The following TOX variants were observed in gnomAD, a reference collection of about 807,000 sequenced individuals.
The protein encoded by TOX is thymocyte selection-associated high mobility group box protein TOX.
Under a neutral mutation model 53.7 loss-of-function variants are expected in TOX, and 11 were observed. The ratio of observed to expected loss-of-function variants is 0.20; its 90% CI spans 0.13 to 0.34. The LOEUF (loss-of-function observed/expected upper bound fraction) is 0.34. Among genes scored for constraint, TOX ranks in the 10% least tolerant of loss-of-function variants. The pLI is 1.00. For synonymous variants in TOX, 225 were observed against 245.3 expected (o/e 0.92, Z 0.77); for missense variants, 570 against 664.6 (o/e 0.86, Z 1.56).
rs567262579 is a variant in TOX, at chr8:58,833,385, C to T, written c.924+4696G>A. ...CAACCCTTTCTGCTTCAAAGCGGGA[C>T]GAGCTCTTTTATTTTGTAGGGTTTT... On this transcript the variant is annotated intron_variant, in intron 5 of 8. Coordinates refer to ENST00000361421, the MANE Select transcript of TOX (RefSeq NM_014729.3). Among the ~76,000 whole-genome samples, 3 of 152,216 alleles carry T rather than the reference C, an allele frequency of 2.0e-5. No homozygotes were observed. In the East Asian group the frequency reaches 5.8e-4, roughly 29 times the overall value.
chr8:59,091,194 A>T (rs1316179191), intron 1 of TOX, among the ~76,000 whole-genome samples: 2 of 152,078 alleles, frequency 1.3e-5, no homozygotes, highest in East Asian at 3.9e-4. Context: ...TCCTCCGTCC[A>T]CCACTGCCTG....
chr8:58,841,841 C>T (rs550808274), intron 4 of TOX, among the ~76,000 whole-genome samples: 25 of 152,138 alleles, frequency 1.6e-4, no homozygotes, highest in Non-Finnish European at 2.5e-4. Context: ...ATTTCATCAA[C>T]GATTGAGAGA....
chr8:58,819,033 T>G (rs1342880227), intron 6 of TOX, among the ~76,000 whole-genome samples: 1 of 152,240 alleles, frequency 6.6e-6, no homozygotes, highest in Non-Finnish European at 1.5e-5. Context: ...ATCTATTAAT[T>G]ACAGAGTTAT....
intron 5 of TOX, among the ~76,000 whole-genome samples, chr8:58,828,627 C>T (rs149649911): frequency 2.0e-5 from 3 of 151,838 alleles, no homozygotes; most frequent in East Asian, 1.9e-4. Context: ...ATGCTAAAGT[C>T]GAGTAAGTGC....
At chr8:59,077,551 T>C (rs1804313393) in intron 1 of TOX, among the ~76,000 whole-genome samples, 1 of 152,010 alleles carries the variant, frequency 6.6e-6, no homozygotes, top group African/African-American at 2.4e-5. Context: ...CCCTGAATAA[T>C]ATAGGCATCT....
chr8:58,939,579 A>G (rs1329377668), intron 2 of TOX, 35 bp from the exon 3 acceptor site: 1 of 1,579,930 alleles, frequency 6.3e-7, no homozygotes. Context: ...GTTGCAAATT[A>G]TCATCTTCTT....
chr8:58,829,075 T>A (rs1224995482), intron 5 of TOX, among the ~76,000 whole-genome samples: 1 of 152,172 alleles, frequency 6.6e-6, no homozygotes, highest in Non-Finnish European at 1.5e-5. Flanking sequence ...ATTTTCTAAG[T>A]TGTGGCAGAT....
chr8:59,022,357 A>G (rs1814151936), intron 1 of TOX, among the ~76,000 whole-genome samples: 1 of 152,158 alleles, frequency 6.6e-6, no homozygotes, highest in Non-Finnish European at 1.5e-5. Flanking sequence ...AGACTCCGAC[A>G]TGTTCTATGT....
At chr8:58,949,111 T>A (rs1235567949) in intron 2 of TOX, among the ~76,000 whole-genome samples, 1 of 152,206 alleles carries the variant, frequency 6.6e-6, no homozygotes, top group African/African-American at 2.4e-5. Flanking sequence ...TAGTCTCCAA[T>A]TCATTAAGGA....
At chr8:58,991,287 G>A (rs1813441376) in intron 1 of TOX, among the ~76,000 whole-genome samples, 1 of 152,204 alleles carries the variant, frequency 6.6e-6, no homozygotes, top group Non-Finnish European at 1.5e-5. Flanking sequence ...TTTAGGACAG[G>A]ATTAAGAAGA....
chr8:58,947,967 C>T (rs1249484849), intron 2 of TOX, among the ~76,000 whole-genome samples: 1 of 152,182 alleles, frequency 6.6e-6, no homozygotes, highest in Non-Finnish European at 1.5e-5. Flanking sequence ...CAAGACTGGT[C>T]CCACCAATCA....
chr8:59,071,682 A>G (rs1804199319), intron 1 of TOX, among the ~76,000 whole-genome samples: 1 of 152,176 alleles, frequency 6.6e-6, no homozygotes, highest in South Asian at 2.1e-4. Flanking sequence ...AGCCTAAACA[A>G]TTTACCTATG....
intron 1 of TOX, among the ~76,000 whole-genome samples, chr8:59,076,344 G>GA (rs1414523360): frequency 1.3e-5 from 2 of 152,212 alleles, no homozygotes; most frequent in African/African-American, 4.8e-5. Flanking sequence ...CTCACTATTG[G>GA]AAAAACCAAA....
At chr8:58,928,428 G>T (rs2129175457) in intron 3 of TOX, among the ~76,000 whole-genome samples, 1 of 152,274 alleles carries the variant, frequency 6.6e-6, no homozygotes, top group South Asian at 2.1e-4. Flanking sequence ...GCTTCACCTT[G>T]GTGCAGCTAC....
chr8:58,966,181 G>C (rs991777832), intron 1 of TOX, among the ~76,000 whole-genome samples: 6 of 152,054 alleles, frequency 3.9e-5, no homozygotes, highest in African/African-American at 1.4e-4. Context: ...TAGTGTCAAG[G>C]CTGAACCTGT....
intron 4 of TOX, among the ~76,000 whole-genome samples, chr8:58,844,412 C>A (rs541986260): frequency 1.2e-4 from 19 of 152,094 alleles, no homozygotes; most frequent in Non-Finnish European, 2.1e-4. Flanking sequence ...GTAAAGTTAC[C>A]AGGGTGCTAA....
chr8:58,896,910 T>A (rs535613674), intron 3 of TOX, among the ~76,000 whole-genome samples: 29 of 152,336 alleles, frequency 1.9e-4, no homozygotes, highest in African/African-American at 6.7e-4. Context: ...ACGTTAGGGA[T>A]AAGACATAAG....
chr8:58,897,229 AC>A (rs549690706), intron 3 of TOX, among the ~76,000 whole-genome samples: 60 of 152,262 alleles, frequency 3.9e-4, no homozygotes, highest in African/African-American at 1.4e-3. Flanking sequence ...TTCTCCAATT[AC>A]CACTCACACC....
intron 1 of TOX, among the ~76,000 whole-genome samples, chr8:58,991,548 C>G (rs1011032880): frequency 1.6e-4 from 25 of 152,144 alleles, no homozygotes; most frequent in African/African-American, 6.0e-4. Context: ...AGTTAAAAAG[C>G]CTGTCTTCTC....
Sources: gnomAD v4.1 joint callset for allele counts (sites outside exome capture counted in the v4.1 genomes callset) on GRCh38, gnomAD v4.1.1 for gene constraint, MANE v1.5 for transcripts, NCBI Gene and HGNC (gene_info 2026-07-23, HGNC 2026-07-21) for gene names.